Variants in CD84 observed in about 807,000 individuals in gnomAD.
CD84 encodes SLAM family member 5.
Under a neutral mutation model 33.8 loss-of-function variants are expected in CD84, and 22 were observed. That is an observed-to-expected ratio of 0.65 (90% confidence interval 0.46 to 0.93). The LOEUF (loss-of-function observed/expected upper bound fraction) is 0.93. CD84 is among the 40% of genes least tolerant of loss of function. CD84 has a pLI of 0.00. For synonymous variants in CD84, 154 were observed against 145.2 expected (o/e 1.06, Z -0.44); for missense variants, 400 against 397.6 (o/e 1.01, Z -0.05).
chr1:160,557,480 T>C (rs1210667331), intron 2 of CD84, among the ~76,000 whole-genome samples: 2 of 152,244 alleles, frequency 1.3e-5, no homozygotes, highest in African/African-American at 4.8e-5. Flanking sequence ...GGGTGACCTA[T>C]ATACCTGAAT....
At chr1:160,558,179 G>A (rs115290499) in intron 2 of CD84, among the ~76,000 whole-genome samples, 298 of 152,324 alleles carry the variant, frequency 2.0e-3, no homozygotes, top group African/African-American at 6.7e-3. Flanking sequence ...CCTCCTGACA[G>A]GTTGAGACCT....
intron 1 of CD84, among the ~76,000 whole-genome samples, chr1:160,569,986 G>C (rs1359018588): frequency 1.3e-5 from 2 of 152,118 alleles, no homozygotes; most frequent in African/African-American, 4.8e-5. Flanking sequence ...TCATTGTAAT[G>C]TAGTAATGAT....
rs1657274797 is a variant in CD84, at chr1:160,565,607, T to C, written c.185A>G (p.Tyr62Cys). The change falls in exon 2 of 7, where the codon TAT (tyrosine) becomes TGT (cysteine). Residue 62 changes from tyrosine to cysteine, a missense_variant. Coordinates refer to ENST00000368054, the MANE Select transcript of CD84 (RefSeq NM_003874.4). ...IAWTSKTSVAYVTPGDSETAP... is the reference protein window; with the variant it reads ...IAWTSKTSVACVTPGDSETAP... ...TGTTTCTGAGTCTCCTGGTGTTACA[T>C]AAGCAACAGATGTTTTAGAAGTCCA... 4.3e-6 allele frequency: 7 copies of C among 1,614,000 alleles called. No homozygotes were observed. The highest frequency in any genetic ancestry group is 5.9e-6 in the Non-Finnish European group (7 of 1,179,910).
At position 160,551,048 on chromosome 1, in the gene CD84, T is replaced by C. The variant is rs766617583; in HGVS notation, c.761-13A>G. On this transcript the variant is annotated splice_polypyrimidine_tract_variant and intron_variant, in intron 4 of 6. Coordinates refer to ENST00000368054, the MANE Select transcript of CD84 (RefSeq NM_003874.4). ...TTTGAGGCAGCATCTGTCTCACAAA[T>C]AAATATAGACCCACAGTCTGTGAAA... is the stretch of plus-strand genomic sequence containing the variant. 1.3e-6 allele frequency: 2 copies of C among 1,583,842 alleles called. No homozygotes were observed. Among genetic ancestry groups the C allele is most frequent in the Non-Finnish European group, 1.7e-6 (2 of 1,152,378 alleles).
intron 5 of CD84, chr1:160,550,691 G>A (rs148867005): frequency 1.0e-4 from 101 of 985,308 alleles, no homozygotes; most frequent in Non-Finnish European, 1.1e-4. Flanking sequence ...ACCTGGAGCC[G>A]GGCCCACTGT....
chr1:160,545,069 G>A lies in CD84; in HGVS notation c.*3187C>T, dbSNP rs10797077. 0.82 allele frequency: 124,851 copies of A among 152,124 alleles called. 52,311 individuals are homozygous for A. Among genetic ancestry groups the A allele is most frequent in the Non-Finnish European group, 0.92 (62,493 of 68,010 alleles). 9.4% of individuals were successfully genotyped at this position (152,124 alleles called of 1,614,324 possible). The stretch of plus-strand genomic sequence containing the variant: ...GAAAATCTAAGAACTAAGACCTAGA[G>A]AGAAGGGTGAACAGATAACGTGTTC... On this transcript the variant is annotated 3_prime_UTR_variant, in exon 7 of 7. Transcript: ENST00000368054.
intron 1 of CD84, among the ~76,000 whole-genome samples, chr1:160,579,103 C>T (rs903224081): frequency 1.3e-5 from 2 of 152,104 alleles, no homozygotes; most frequent in African/African-American, 4.8e-5. Context: ...GGTGGGTTTA[C>T]CAAGTGCTGA....
chr1:160,552,565 A>T, intron 4 of CD84: 1 of 618,320 alleles, frequency 1.6e-6, no homozygotes, highest in Non-Finnish European at 3.0e-6. Context: ...TGATAAAAAA[A>T]CTGGTAGCTG....
At position 160,546,013 on chromosome 1, in the gene CD84, GTCTC is replaced by G. The variant is rs1655809620; in HGVS notation, c.*2239_*2242del. ...ATCTTTTTTTTTTTTTCGAGATGGA[GTCTC>G]ACTCTGTCTCTCCCAGGCTGGAGTG... On this transcript the variant is annotated 3_prime_UTR_variant, in exon 7 of 7. Coordinates refer to ENST00000368054, the MANE Select transcript of CD84 (RefSeq NM_003874.4). 1 of 145,464 alleles carries G rather than the reference GTCTC, an allele frequency of 6.9e-6. No individual in the cohort carries two copies. The highest frequency in any genetic ancestry group is 2.5e-5 in the African/African-American group (1 of 39,422). The allele number at this position is 145,464 out of a possible 1,614,324, so 9.0% of individuals were successfully genotyped here.
intron 2 of CD84, among the ~76,000 whole-genome samples, chr1:160,561,970 A>C (rs1453259120): frequency 6.6e-6 from 1 of 152,068 alleles, no homozygotes; most frequent in Non-Finnish European, 1.5e-5. Context: ...AGTGAAGGAC[A>C]TTCACAATTG....
chr1:160,565,411 T>C lies in CD84; in HGVS notation c.381A>G (p.Gln127=). 1.3e-6 allele frequency: 2 copies of C among 1,595,532 alleles called. No individual in the cohort carries two copies. Among genetic ancestry groups the C allele is most frequent in the Non-Finnish European group, 1.7e-6 (2 of 1,170,374 alleles). The change falls in exon 2 of 7, where the codon CAA becomes CAG. Residue 127 remains glutamine, a synonymous_variant. Coordinates refer to ENST00000368054, the MANE Select transcript of CD84 (RefSeq NM_003874.4). ...PYTTTKRYNL[Q]IYRRLGKPKI... ...CGTCTTCCCATGACTTACGATAGAT[T>C]TGCAGGTTGTAGCGCTTGGTGGTGG...
intron 1 of CD84, among the ~76,000 whole-genome samples, chr1:160,570,645 G>A (rs570912870): frequency 1.3e-5 from 2 of 152,262 alleles, no homozygotes; most frequent in Admixed American, 1.3e-4. Context: ...TGGATCGCTT[G>A]AGTCCAGGAG....
intron 3 of CD84, 150 bp downstream of exon 3, chr1:160,553,745 C>A: frequency 7.8e-7 from 1 of 1,289,228 alleles, no homozygotes; most frequent in Non-Finnish European, 1.1e-6. Context: ...GCCTCTTTCC[C>A]AGTAGGCTTC....
Position 160,544,893 on chromosome 1 carries a change from A to G in CD84, c.*3363T>C, listed in dbSNP as rs960192780. 2.0e-5 allele frequency: 3 copies of G among 152,190 alleles called. No homozygotes were observed. The highest frequency in any genetic ancestry group is 7.2e-5 in the African/African-American group (3 of 41,436). 9.4% of individuals were successfully genotyped at this position (152,190 alleles called of 1,614,324 possible). On this transcript the variant is annotated 3_prime_UTR_variant, in exon 7 of 7. Coordinates refer to ENST00000368054, the MANE Select transcript of CD84 (RefSeq NM_003874.4). ...AGAGGGCTCTGTCTCTGAGACTTCC[A>G]TTTTGATGCACATTTTTAAAAACTG...
chr1:160,546,126 C>G lies in CD84; in HGVS notation c.*2130G>C, dbSNP rs1018193408. ...GTCTCAGCCTCCAGAGTAGCTGGGA[C>G]TACAGATGTGTGCCACCACACCTGG... is the stretch of plus-strand genomic sequence containing the variant. On this transcript the variant is annotated 3_prime_UTR_variant, in exon 7 of 7. Transcript: ENST00000368054. The G allele has an allele frequency of 6.6e-6, 1 of 152,230 alleles. No homozygotes were observed. The highest frequency in any genetic ancestry group is 1.5e-5 in the Non-Finnish European group (1 of 68,198). 9.4% of individuals were successfully genotyped at this position (152,230 alleles called of 1,614,324 possible). A position where few individuals can be genotyped will look rare whatever the true frequency, so the allele number is the denominator to read the frequency against.
chr1:160,571,428 A>T (rs1441187727), intron 1 of CD84: 1 of 152,168 alleles, frequency 6.6e-6, no homozygotes, highest in Non-Finnish European at 1.5e-5. Context: ...TTCAGCGTTC[A>T]ACGGGATAAA....
chr1:160,568,956 T>A (rs1449500590), intron 1 of CD84, among the ~76,000 whole-genome samples: 1 of 152,222 alleles, frequency 6.6e-6, no homozygotes, highest in Non-Finnish European at 1.5e-5. Context: ...ATAATAATTA[T>A]GCTATTTGTC....
chr1:160,561,843 A>G (rs995991459), intron 2 of CD84, among the ~76,000 whole-genome samples: 1 of 152,180 alleles, frequency 6.6e-6, no homozygotes. Context: ...ATGGGCAAAA[A>G]TCACTAATGT....
intron 1 of CD84, 41 bp from the exon 2 acceptor site, chr1:160,565,786 C>G (rs1411362328): frequency 1.4e-6 from 2 of 1,470,564 alleles, no homozygotes; most frequent in East Asian, 4.9e-5. Context: ...CTGACTGTTG[C>G]AGCTTTTTCA....
Sources: allele counts gnomAD v4.1 joint callset (sites outside exome capture counted in the v4.1 genomes callset), GRCh38; gene constraint gnomAD v4.1.1; transcripts MANE v1.5; gene names NCBI Gene and HGNC (gene_info 2026-07-23, HGNC 2026-07-21).